Variants in SUSD4 observed in about 807,000 individuals in gnomAD.
SUSD4 encodes the protein sushi domain-containing protein 4.
SUSD4 carries 41 observed loss-of-function variants against 50.5 expected under a neutral mutation model. The ratio of observed to expected loss-of-function variants is 0.81; its 90% CI spans 0.63 to 1.05. The LOEUF is 1.05. Ranked by LOEUF, SUSD4 falls within the 50% of genes least tolerant of loss-of-function variation. SUSD4 has a pLI of 0.00. For missense variants in SUSD4, 580 were observed against 634.7 expected (o/e 0.91, Z 0.93); for synonymous variants, 257 against 257.3 (o/e 1.00, Z 0.01).
At chr1:223,287,220 G>A (rs1664204248) in intron 3 of SUSD4, among the ~76,000 whole-genome samples, 1 of 152,160 alleles carries the variant, frequency 6.6e-6, no homozygotes, top group Non-Finnish European at 1.5e-5. Context: ...GGGATCATAG[G>A]CGCGAGCCAC....
At chr1:223,281,144 T>C (rs1209074238) in intron 3 of SUSD4, among the ~76,000 whole-genome samples, 1 of 152,148 alleles carries the variant, frequency 6.6e-6, no homozygotes, top group Non-Finnish European at 1.5e-5. Context: ...AGGAAAGATC[T>C]AAAATAGACT....
At chr1:223,258,941 C>T (rs1335266168) in intron 5 of SUSD4, among the ~76,000 whole-genome samples, 3 of 152,158 alleles carry the variant, frequency 2.0e-5, no homozygotes, top group Non-Finnish European at 4.4e-5. Context: ...GGAGACCTTG[C>T]CTTAGAACTC....
intron 3 of SUSD4, among the ~76,000 whole-genome samples, chr1:223,269,815 C>T (rs558706596): frequency 6.6e-6 from 1 of 152,278 alleles, no homozygotes; most frequent in African/African-American, 2.4e-5. Context: ...CCAAATCCTA[C>T]AAAATCCACA....
intron 3 of SUSD4, among the ~76,000 whole-genome samples, chr1:223,273,731 G>A (rs1663074511): frequency 6.6e-6 from 1 of 152,172 alleles, no homozygotes; most frequent in Non-Finnish European, 1.5e-5. Context: ...ACTAAAGCTT[G>A]GTGAGTTTCC....
At chr1:223,358,224 A>T (rs1056905313) in intron 2 of SUSD4, among the ~76,000 whole-genome samples, 1 of 152,196 alleles carries the variant, frequency 6.6e-6, no homozygotes, top group Admixed American at 6.5e-5. Flanking sequence ...TATCCCCAGG[A>T]TGTACAATAG....
chr1:223,299,742 A>G (rs931957559), intron 2 of SUSD4, among the ~76,000 whole-genome samples: 3 of 152,204 alleles, frequency 2.0e-5, no homozygotes, highest in African/African-American at 7.2e-5. Context: ...ATGCCTGAAT[A>G]GAACAAATAG....
rs1335667055 is a variant in SUSD4, at chr1:223,229,072, C to T, written c.916+125G>A. ...CCCATCGACCCGCAATGATATGTTT[C>T]GATATCCTGTTCCTGACACTGGGTG... is the stretch of plus-strand genomic sequence containing the variant. On this transcript the variant is annotated intron_variant, in intron 6 of 8. Transcript: ENST00000366878. The surrounding 1 kb of genome is among the most constrained non-coding windows in gnomAD (Gnocchi z 4.7). 5.9e-6 allele frequency: 6 copies of T among 1,008,886 alleles called. No homozygotes were observed. Among genetic ancestry groups the T allele is most frequent in the African/African-American group, 3.2e-5 (2 of 62,524 alleles). 62.5% of individuals were successfully genotyped at this position (1,008,886 alleles called of 1,614,324 possible).
chr1:223,293,722 G>C (rs1262942367), intron 2 of SUSD4, among the ~76,000 whole-genome samples: 1 of 152,148 alleles, frequency 6.6e-6, no homozygotes, highest in African/African-American at 2.4e-5. Flanking sequence ...AAGAAATTTT[G>C]TGCCCAGACA....
At chr1:223,323,472 T>C (rs187782756) in intron 2 of SUSD4, among the ~76,000 whole-genome samples, 1 of 152,032 alleles carries the variant, frequency 6.6e-6, no homozygotes, top group Non-Finnish European at 1.5e-5. Context: ...TTGACTTCCA[T>C]GTGGCATGCA....
chr1:223,339,478 G>A (rs978433391), intron 2 of SUSD4, among the ~76,000 whole-genome samples: 1 of 152,104 alleles, frequency 6.6e-6, no homozygotes, highest in Non-Finnish European at 1.5e-5. Context: ...AGGACAGAGG[G>A]ACCCATCCCT....
chr1:223,335,082 C>CAT lies in SUSD4; in HGVS notation c.148+28194_148+28195dup, dbSNP rs767318055. Among the ~76,000 whole-genome samples the CAT allele has an allele frequency of 1.3e-3, 204 of 151,882 alleles. 2 individuals are homozygous for CAT. Among genetic ancestry groups the CAT allele is most frequent in the Middle Eastern group, 6.8e-3 (2 of 292 alleles). On this transcript the variant is annotated intron_variant, in intron 2 of 8. Coordinates refer to ENST00000366878, the MANE Select transcript of SUSD4 (RefSeq NM_017982.4). ...TTTTTATGGCTGACTAGTACTCAAT[C>CAT]ATATATATATATACCACAGTTTATT...
intron 2 of SUSD4, among the ~76,000 whole-genome samples, chr1:223,297,124 C>G (rs1664879514): frequency 6.6e-6 from 1 of 152,198 alleles, no homozygotes; most frequent in Non-Finnish European, 1.5e-5. Context: ...CTGAAAGCAT[C>G]CACTAACTGA....
chr1:223,365,006 C>G (rs1388002675), upstream of SUSD4, among the ~76,000 whole-genome samples: 2 of 152,088 alleles, frequency 1.3e-5, no homozygotes, highest in Non-Finnish European at 2.9e-5. Flanking sequence ...CTTGGAGATG[C>G]GCGGGGCCCT....
At chr1:223,270,996 G>A (rs1479722573) in intron 3 of SUSD4, among the ~76,000 whole-genome samples, 1 of 151,750 alleles carries the variant, frequency 6.6e-6, no homozygotes, top group Non-Finnish European at 1.5e-5. Flanking sequence ...TTTGCACACT[G>A]CTGCTGCCTT....
intron 5 of SUSD4, chr1:223,235,074 C>G: frequency 2.5e-6 from 4 of 1,603,380 alleles, no homozygotes; most frequent in Non-Finnish European, 3.4e-6. Context: ...AAATAAAGGA[C>G]AGGGAAAAGA....
chr1:223,269,328 C>T (rs559317565), intron 3 of SUSD4, among the ~76,000 whole-genome samples: 20 of 152,232 alleles, frequency 1.3e-4, no homozygotes, highest in Non-Finnish European at 2.8e-4. Flanking sequence ...GCAAAAGGCA[C>T]GTTTATAGGA....
chr1:223,309,280 C>T (rs761112340), intron 2 of SUSD4, among the ~76,000 whole-genome samples: 3 of 152,228 alleles, frequency 2.0e-5, no homozygotes, highest in East Asian at 1.9e-4. Flanking sequence ...GGATCAGCCT[C>T]ATCCTTTTGA....
intron 2 of SUSD4, among the ~76,000 whole-genome samples, chr1:223,293,384 C>G (rs1461189158): frequency 6.6e-6 from 1 of 152,210 alleles, no homozygotes; most frequent in African/African-American, 2.4e-5. Flanking sequence ...ACCTGCAGAA[C>G]AGCTGCCTCT....
chr1:223,338,916 G>A (rs1422875106), intron 2 of SUSD4, among the ~76,000 whole-genome samples: 7 of 152,194 alleles, frequency 4.6e-5, no homozygotes, highest in African/African-American at 1.4e-4. Context: ...GAAAAAATCT[G>A]AGCAGGAGAA....
Sources: allele counts gnomAD v4.1 joint callset (sites outside exome capture counted in the v4.1 genomes callset), GRCh38; gene constraint gnomAD v4.1.1; non-coding constraint Gnocchi (gnomAD v3.1); transcripts MANE v1.5; gene names NCBI Gene and HGNC (gene_info 2026-07-23, HGNC 2026-07-21).